Variants in FAM83B observed in about 807,000 individuals in gnomAD.
FAM83B encodes the protein protein FAM83B.
Under a neutral mutation model 38.8 loss-of-function variants are expected in FAM83B, and 26 were observed. The ratio of observed to expected loss-of-function variants is 0.67; its 90% CI spans 0.49 to 0.93. FAM83B has a LOEUF of 0.93. Among genes scored for constraint, FAM83B ranks in the 40% least tolerant of loss-of-function variants. The pLI, the probability that FAM83B is intolerant of heterozygous loss-of-function variation, is 0.00. For synonymous variants in FAM83B, 419 were observed against 423.1 expected (o/e 0.99, Z 0.12); for missense variants, 1,237 against 1,197.3 (o/e 1.03, Z -0.49).
At position 54,942,034 on chromosome 6, in the gene FAM83B, T is replaced by C; in HGVS notation, c.*27T>C. The C allele has an allele frequency of 2.1e-5, 32 of 1,498,912 alleles. No homozygotes were observed. Among genetic ancestry groups the C allele is most frequent in the Non-Finnish European group, 2.7e-5 (30 of 1,100,274 alleles). 92.9% of individuals were successfully genotyped at this position (1,498,912 alleles called of 1,614,324 possible). ...TATTAAAATGCAAAATGAATGAGGC[T>C]ATCAATATTTGTCCAAAGAAAATTG... On this transcript the variant is annotated 3_prime_UTR_variant, in exon 5 of 5. Transcript: ENST00000306858.
Position 54,941,221 on chromosome 6 carries a change from A to C in FAM83B, c.2250A>C (p.Glu750Asp), listed in dbSNP as rs113807636. 26 of 1,613,710 alleles carry C rather than the reference A, an allele frequency of 1.6e-5. 1 individual carries two copies. The highest frequency in any genetic ancestry group is 1.6e-4 in the African/African-American group (12 of 74,910). Residue 750 changes from glutamate to aspartate, a missense_variant, in exon 5 of 5, where the codon GAA becomes GAC. By Grantham distance (45) the Glu-to-Asp change is conservative. Coordinates refer to ENST00000306858, the MANE Select transcript of FAM83B (RefSeq NM_001010872.3). ...IAALLDVNKE[E>D]SNKELASKKE... is the part of the protein sequence containing the mutation. ...CTTTACTTGATGTGAATAAAGAGGA[A>C]TCTAACAAAGAACTTGCTTCAAAGA...
chr6:54,901,459 T>C (rs1478034959), intron 2 of FAM83B, among the ~76,000 whole-genome samples: 1 of 152,230 alleles, frequency 6.6e-6, no homozygotes, highest in Non-Finnish European at 1.5e-5. Flanking sequence ...TAAAGAATTT[T>C]CTGTCATGAG....
intron 2 of FAM83B, among the ~76,000 whole-genome samples, chr6:54,906,234 A>G (rs1772773980): frequency 1.3e-5 from 2 of 152,160 alleles, no homozygotes; most frequent in African/African-American, 4.8e-5. Context: ...CATTTATACC[A>G]TTAAGAGCAG....
At position 54,894,283 on chromosome 6, in the gene FAM83B, C is replaced by A. The variant is rs183271933; in HGVS notation, c.444+23593C>A. On this transcript the variant is annotated intron_variant, in intron 2 of 4. Transcript: ENST00000306858. ...TGAATTCAGGAAGCAGTGAATCTGG[C>A]AAGAATTTACAAACTTAAGTCCTAG... 3.1e-3 allele frequency among the ~76,000 whole-genome samples: 474 copies of A among 152,098 alleles called. 14 individuals are homozygous for A. The highest frequency in any genetic ancestry group is 0.029 in the Admixed American group (449 of 15,280).
intron 1 of FAM83B, among the ~76,000 whole-genome samples, chr6:54,856,674 C>T (rs1465457883): frequency 1.3e-5 from 2 of 152,044 alleles, no homozygotes; most frequent in African/African-American, 4.8e-5. Flanking sequence ...TTGAAAAGAA[C>T]AAAAAGTCGA....
intron 1 of FAM83B, among the ~76,000 whole-genome samples, chr6:54,865,870 G>GA (rs978680550): frequency 6.6e-6 from 1 of 151,774 alleles, no homozygotes; most frequent in South Asian, 2.1e-4. Flanking sequence ...CTAATGGTAT[G>GA]AAAAAACATC....
intron 2 of FAM83B, among the ~76,000 whole-genome samples, chr6:54,884,678 A>G (rs950042698): frequency 2.0e-5 from 3 of 152,000 alleles, no homozygotes; most frequent in Non-Finnish European, 4.4e-5. Context: ...TCTGGACTCT[A>G]TTCTAATTCC....
At position 54,927,602 on chromosome 6, in the gene FAM83B, A is replaced by G. The variant is rs772953994; in HGVS notation, c.704A>G (p.Asp235Gly). 1.2e-6 allele frequency: 2 copies of G among 1,607,968 alleles called. No individual in the cohort carries two copies. Among genetic ancestry groups the G allele is most frequent in the Non-Finnish European group, 1.7e-6 (2 of 1,176,302 alleles). ...GKMEQKFLLV[D>G]CQKVMYGSYS... ...ATGGAACAGAAATTTTTGTTAGTTG[A>G]CTGCCAGAAAGTGATGTACGGTTCT... is the stretch of plus-strand genomic sequence containing the variant. The change falls in exon 4 of 5, where the codon GAC becomes GGC. Residue 235 changes from aspartate to glycine, a missense_variant. Coordinates refer to ENST00000306858, the MANE Select transcript of FAM83B (RefSeq NM_001010872.3).
intron 2 of FAM83B, among the ~76,000 whole-genome samples, chr6:54,880,287 T>TA (rs1266262355): frequency 6.6e-6 from 1 of 152,204 alleles, no homozygotes; most frequent in Non-Finnish European, 1.5e-5. Flanking sequence ...GGGATCTGGA[T>TA]TTTTTTCCAC....
intron 2 of FAM83B, among the ~76,000 whole-genome samples, chr6:54,883,960 A>G (rs947389799): frequency 1.1e-4 from 17 of 152,156 alleles, no homozygotes; most frequent in Non-Finnish European, 1.9e-4. Context: ...ACTTGAGGCC[A>G]GGAGTTCATG....
At chr6:54,937,861 C>T (rs932018881) in intron 4 of FAM83B, among the ~76,000 whole-genome samples, 2 of 151,918 alleles carry the variant, frequency 1.3e-5, no homozygotes, top group Non-Finnish European at 2.9e-5. Flanking sequence ...GCAAATTTTT[C>T]TTTATTTTTT....
intron 1 of FAM83B, among the ~76,000 whole-genome samples, chr6:54,856,196 T>G (rs964982768): frequency 6.6e-6 from 1 of 152,178 alleles, no homozygotes; most frequent in Non-Finnish European, 1.5e-5. Context: ...GATTTACTCA[T>G]GGACTCACAT....
At chr6:54,915,253 A>G (rs2127585634) in intron 2 of FAM83B, among the ~76,000 whole-genome samples, 1 of 152,284 alleles carries the variant, frequency 6.6e-6, no homozygotes, top group Middle Eastern at 3.4e-3. Flanking sequence ...CTTTATACAC[A>G]AAAATGAAAT....
At chr6:54,902,692 T>G (rs1772688227) in intron 2 of FAM83B, among the ~76,000 whole-genome samples, 1 of 148,346 alleles carries the variant, frequency 6.7e-6, no homozygotes, top group Non-Finnish European at 1.5e-5. Context: ...TTTGTGTAAA[T>G]GTCAGATTGT....
chr6:54,941,046 G>T lies in FAM83B; in HGVS notation c.2075G>T (p.Arg692Leu), dbSNP rs868155358. Residue 692 changes from arginine to leucine, a missense_variant, in exon 5 of 5, where the codon CGA (arginine) becomes CTA (leucine). Arg to Leu is a moderately radical substitution (Grantham distance 102). Coordinates refer to ENST00000306858, the MANE Select transcript of FAM83B (RefSeq NM_001010872.3). ...GTATATAGTACACTTACCAGGAATC[G>T]AGTTAGACAACCAGAAAAGCCCAAA... ...HYVYSTLTRN[R>L]VRQPEKPKED... 6.2e-7 allele frequency: 1 copy of T among 1,613,540 alleles called. No homozygotes were observed. The highest frequency in any genetic ancestry group is 1.1e-5 in the South Asian group (1 of 90,950).
At chr6:54,904,502 G>A (rs1026894757) in intron 2 of FAM83B, among the ~76,000 whole-genome samples, 15 of 152,050 alleles carry the variant, frequency 9.9e-5, no homozygotes, top group African/African-American at 2.9e-4. Flanking sequence ...CCACTCCACG[G>A]CTCTGTTTTA....
intron 1 of FAM83B, among the ~76,000 whole-genome samples, chr6:54,857,361 C>T (rs1771468312): frequency 1.3e-5 from 2 of 152,186 alleles, no homozygotes; most frequent in South Asian, 4.2e-4. Flanking sequence ...GCTCTTGTTG[C>T]CTGTGGTGTT....
At chr6:54,891,824 T>C (rs1006054153) in intron 2 of FAM83B, among the ~76,000 whole-genome samples, 4 of 152,184 alleles carry the variant, frequency 2.6e-5, no homozygotes, top group African/African-American at 9.7e-5. Context: ...TTTCTTTTTT[T>C]TCTTTTTCTT....
Position 54,851,647 on chromosome 6 carries a change from G to GTTTT in FAM83B, c.-61+4836_-61+4839dup, listed in dbSNP as rs577598548. On this transcript the variant is annotated intron_variant, in intron 1 of 4. Coordinates refer to ENST00000306858, the MANE Select transcript of FAM83B (RefSeq NM_001010872.3). ...GCTACCATGCCCGGCTAATTTTTGT[G>GTTTT]TTTTTTTTTTTTTTTTTTGAGACGG... Among the ~76,000 whole-genome samples, 71 of 86,962 alleles carry GTTTT rather than the reference G, an allele frequency of 8.2e-4. 1 individual carries two copies. The highest frequency in any genetic ancestry group is 3.1e-3 in the African/African-American group (67 of 21,396). The allele number at this position is 86,962 out of a possible 152,430, so 57.1% of individuals were successfully genotyped here.
Sources: allele counts gnomAD v4.1 joint callset (sites outside exome capture counted in the v4.1 genomes callset), GRCh38; gene constraint gnomAD v4.1.1; transcripts MANE v1.5; gene names NCBI Gene and HGNC (gene_info 2026-07-23, HGNC 2026-07-21).